UIMC1: variants seen among roughly 807,000 people sequenced by gnomAD.
The protein encoded by UIMC1 is BRCA1-A complex subunit RAP80.
Under a neutral mutation model 84.9 loss-of-function variants are expected in UIMC1, and 42 were observed. That is an observed-to-expected ratio of 0.49 (90% confidence interval 0.39 to 0.64). The LOEUF is 0.64. UIMC1 is among the 30% of genes least tolerant of loss of function. The pLI, the probability that UIMC1 is intolerant of heterozygous loss-of-function variation, is 0.00. For synonymous variants in UIMC1, 281 were observed against 293.0 expected, an observed-to-expected ratio of 0.96 and a Z score of 0.42; for missense variants, 825 against 847.6, an observed-to-expected ratio of 0.97 and a Z score of 0.33.
chr5:176,974,129 A>G (rs1449873785), intron 3 of UIMC1, among the ~76,000 whole-genome samples: 1 of 152,190 alleles, frequency 6.6e-6, no homozygotes, highest in Non-Finnish European at 1.5e-5. Context: ...AAATTAATCA[A>G]AACAATTTTT....
intron 1 of UIMC1, among the ~76,000 whole-genome samples, chr5:176,992,079 C>A (rs993343686): frequency 6.6e-6 from 1 of 151,888 alleles, no homozygotes; most frequent in African/African-American, 2.4e-5. Context: ...GCCATGATGG[C>A]GCCACTGCAC....
In UIMC1 at chr5:177,016,802, C is replaced by T. The variant is rs189436515; in HGVS notation, c.-9+5662G>A. Among the ~76,000 whole-genome samples the T allele has an allele frequency of 9.1e-3, 1,386 of 152,094 alleles. 8 individuals carry two copies. The highest frequency in any genetic ancestry group is 0.025 in the South Asian group (120 of 4,820). ...CTTTGGGAGGCCGAGGCAGGTGAAT[C>T]ACCTGAGGTCAGGAGTTCAAGACCA... On this transcript the variant is annotated intron_variant, in intron 1 of 5. Transcript: ENST00000509236.
At chr5:176,950,025 A>C (rs1765647304) in intron 9 of UIMC1, among the ~76,000 whole-genome samples, 1 of 150,506 alleles carries the variant, frequency 6.6e-6, no homozygotes, top group Non-Finnish European at 1.5e-5. Flanking sequence ...ACTGCACTCC[A>C]GCCTGGCAGA....
chr5:176,971,638 G>A (rs1769214800), intron 3 of UIMC1, among the ~76,000 whole-genome samples: 1 of 152,222 alleles, frequency 6.6e-6, no homozygotes, highest in Admixed American at 6.5e-5. Context: ...GCCAGGCGTG[G>A]TGGCTCACGC....
At chr5:176,971,500 A>C (rs1405068693) in intron 3 of UIMC1, among the ~76,000 whole-genome samples, 1 of 152,250 alleles carries the variant, frequency 6.6e-6, no homozygotes, top group Non-Finnish European at 1.5e-5. Flanking sequence ...TACTAGAGTC[A>C]TATCGAAAGA....
At chr5:176,988,295 C>T (rs151054422) in intron 1 of UIMC1, among the ~76,000 whole-genome samples, 1 of 151,948 alleles carries the variant, frequency 6.6e-6, no homozygotes, top group African/African-American at 2.4e-5. Context: ...AACTCTAGTA[C>T]ACTGTATTAT....
chr5:177,016,209 A>T (rs187937773), intron 1 of UIMC1, among the ~76,000 whole-genome samples: 1 of 151,902 alleles, frequency 6.6e-6, no homozygotes, highest in African/African-American at 2.4e-5. Flanking sequence ...TACTAAAAAT[A>T]CAAAATTAGC....
intron 7 of UIMC1, among the ~76,000 whole-genome samples, chr5:176,956,352 T>C (rs190195470): frequency 1.3e-5 from 2 of 152,306 alleles, no homozygotes; most frequent in Non-Finnish European, 2.9e-5. Context: ...TCCACTCCAA[T>C]ATAAGGATGT....
At chr5:176,963,629 G>A (rs1369051515) in intron 6 of UIMC1, among the ~76,000 whole-genome samples, 1 of 151,520 alleles carries the variant, frequency 6.6e-6, no homozygotes, top group Non-Finnish European at 1.5e-5. Flanking sequence ...CCACAGACTA[G>A]TTGAACCATC....
intron 1 of UIMC1, among the ~76,000 whole-genome samples, chr5:176,994,245 A>C (rs1344932935): frequency 1.3e-5 from 2 of 152,118 alleles, no homozygotes; most frequent in Admixed American, 1.3e-4. Context: ...TATTTAAAAG[A>C]AGCAAGCGAT....
At chr5:176,986,408 C>G (rs1463689177) in intron 1 of UIMC1, among the ~76,000 whole-genome samples, 1 of 142,954 alleles carries the variant, frequency 7.0e-6, no homozygotes, top group Admixed American at 7.1e-5. Flanking sequence ...CTGGTGAGCA[C>G]CTACAGTCCC....
intron 10 of UIMC1, among the ~76,000 whole-genome samples, chr5:176,942,901 G>A (rs2149442438): frequency 6.7e-6 from 1 of 149,882 alleles, no homozygotes; most frequent in African/African-American, 2.5e-5. Context: ...CTGAAAAAAA[G>A]TACAAAAAAA....
chr5:176,947,680 T>TG (rs1765308122), intron 9 of UIMC1, among the ~76,000 whole-genome samples: 3 of 151,456 alleles, frequency 2.0e-5, no homozygotes, highest in Non-Finnish European at 2.9e-5. Flanking sequence ...TAGCCAGGCG[T>TG]GGTGGTGGGC....
chr5:176,911,260 A>G (rs1176660055), intron 11 of UIMC1, 51 bp downstream of exon 11: 1 of 1,470,430 alleles, frequency 6.8e-7, no homozygotes, highest in East Asian at 2.5e-5. Context: ...TATTCAGTCC[A>G]AACGATGGTA....
At chr5:177,004,093 T>A (rs1025335407) in intron 1 of UIMC1, among the ~76,000 whole-genome samples, 11 of 152,212 alleles carry the variant, frequency 7.2e-5, no homozygotes, top group Non-Finnish European at 5.9e-5. Flanking sequence ...CCTCCCAAAG[T>A]GCTGGGATTA....
chr5:176,928,628 A>C (rs1474600409), intron 10 of UIMC1, among the ~76,000 whole-genome samples: 1 of 152,214 alleles, frequency 6.6e-6, no homozygotes, highest in East Asian at 1.9e-4. Flanking sequence ...GGACTCAACG[A>C]GAGTTGAACA....
intron 10 of UIMC1, among the ~76,000 whole-genome samples, chr5:176,930,807 G>A (rs1762986146): frequency 6.6e-6 from 1 of 152,146 alleles, no homozygotes; most frequent in Non-Finnish European, 1.5e-5. Flanking sequence ...GGTTTACAGA[G>A]GCAACTATGT....
chr5:176,990,349 G>T (rs1772645848), intron 1 of UIMC1, among the ~76,000 whole-genome samples: 2 of 151,958 alleles, frequency 1.3e-5, no homozygotes, highest in Admixed American at 6.6e-5. Context: ...CATCTTTTAA[G>T]CACAGTGCAA....
chr5:176,968,078 T>C (rs115006216), intron 6 of UIMC1, among the ~76,000 whole-genome samples: 1,972 of 152,256 alleles, frequency 0.013, 35 homozygotes, highest in African/African-American at 0.045. Flanking sequence ...TTTGTATGCA[T>C]AGAAATGATG....
Sources: allele counts gnomAD v4.1 joint callset (sites outside exome capture counted in the v4.1 genomes callset), GRCh38; gene constraint gnomAD v4.1.1; transcripts MANE v1.5; gene names NCBI Gene and HGNC (gene_info 2026-07-23, HGNC 2026-07-21).